PDE4D: variants seen among roughly 807,000 people sequenced by gnomAD.
PDE4D encodes 3',5'-cyclic-AMP phosphodiesterase 4D.
A neutral mutation model predicts 87.4 loss-of-function variants in PDE4D; 24 were observed. The ratio of observed to expected loss-of-function variants is 0.27; its 90% CI spans 0.20 to 0.39. PDE4D has a LOEUF of 0.39. Among genes scored for constraint, PDE4D ranks in the 10% least tolerant of loss-of-function variants. PDE4D has a pLI of 1.00. For missense variants in PDE4D, 714 were observed against 1,041.0 expected, an observed-to-expected ratio of 0.69 and a Z score of 4.32; for synonymous variants, 384 against 383.2, an observed-to-expected ratio of 1.00 and a Z score of -0.02.
chr5:59,070,984 G>A (rs1361356406), intron 5 of PDE4D, among the ~76,000 whole-genome samples: 1 of 152,164 alleles, frequency 6.6e-6, no homozygotes, highest in Non-Finnish European at 1.5e-5. Context: ...ACGTTTTCCA[G>A]TAGCTTCCTG....
chr5:59,864,905 T>G (rs1746796544), intron 1 of PDE4D, among the ~76,000 whole-genome samples: 1 of 152,078 alleles, frequency 6.6e-6, no homozygotes, highest in South Asian at 2.1e-4. Context: ...CAGAGCACGG[T>G]AGGATGCTGA....
intron 5 of PDE4D, among the ~76,000 whole-genome samples, chr5:59,109,568 A>G (rs1378557619): frequency 6.6e-6 from 1 of 152,126 alleles, no homozygotes; most frequent in Non-Finnish European, 1.5e-5. Flanking sequence ...AGTGGGGTGG[A>G]AGCTGGGCTG....
chr5:59,834,447 A>C (rs934949402), intron 1 of PDE4D, among the ~76,000 whole-genome samples: 6 of 152,076 alleles, frequency 3.9e-5, no homozygotes, highest in Non-Finnish European at 7.4e-5. Flanking sequence ...AAAGATTTAA[A>C]ATGAGATAAT....
At chr5:59,047,899 C>A (rs1171554908) in intron 5 of PDE4D, among the ~76,000 whole-genome samples, 1 of 152,190 alleles carries the variant, frequency 6.6e-6, no homozygotes, top group Non-Finnish European at 1.5e-5. Context: ...CAGTCTGCAA[C>A]CCTGAAGATG....
At chr5:59,470,928 T>C (rs1254843207) in intron 1 of PDE4D, among the ~76,000 whole-genome samples, 3 of 152,096 alleles carry the variant, frequency 2.0e-5, no homozygotes. Flanking sequence ...AAGTTAATAT[T>C]TACACTCATC....
At position 59,562,129 on chromosome 5, in the gene PDE4D, TTTTTG is replaced by T. The variant is rs145689177; in HGVS notation, c.455+331034_455+331038del. Among the ~76,000 whole-genome samples the T allele has an allele frequency of 9.9e-3, 1,499 of 152,148 alleles. 17 individuals are homozygous for T. The highest frequency in any genetic ancestry group is 0.031 in the African/African-American group (1,287 of 41,502). On this transcript the variant is annotated intron_variant, in intron 1 of 14. Transcript: ENST00000340635. Reference sequence around the variant, plus strand: ...AGAATACAGAGAAAGCCCAAAGTGTTTTTTGTTTTGTTTTGTTTTGTTTTGTTTTT... The same window carrying T: ...AGAATACAGAGAAAGCCCAAAGTGTTTTTTGTTTTGTTTTGTTTTGTTTTT...
chr5:60,300,532 G>A (rs1753801708), intron 1 of PDE4D, among the ~76,000 whole-genome samples: 1 of 151,944 alleles, frequency 6.6e-6, no homozygotes. Context: ...TATGGTTTTG[G>A]GTTTTACATT....
chr5:59,155,039 A>G (rs1272337020), intron 5 of PDE4D, among the ~76,000 whole-genome samples: 2 of 152,232 alleles, frequency 1.3e-5, no homozygotes, highest in African/African-American at 4.8e-5. Flanking sequence ...TTGGATTTGA[A>G]GAGTTGGATA....
intron 1 of PDE4D, among the ~76,000 whole-genome samples, chr5:60,196,144 C>G (rs1359238664): frequency 1.3e-5 from 2 of 151,750 alleles, no homozygotes; most frequent in African/African-American, 4.8e-5. Flanking sequence ...TTTGGCTCCC[C>G]AAATAGCCTA....
intron 2 of PDE4D, among the ~76,000 whole-genome samples, chr5:60,106,287 C>G (rs1776906103): frequency 6.6e-6 from 1 of 151,862 alleles, no homozygotes; most frequent in African/African-American, 2.4e-5. Context: ...GTAAAGGGAT[C>G]AATTCAACAA....
At chr5:59,824,838 T>C (rs1335607214) in intron 1 of PDE4D, among the ~76,000 whole-genome samples, 1 of 152,132 alleles carries the variant, frequency 6.6e-6, no homozygotes, top group East Asian at 1.9e-4. Flanking sequence ...GCAGATCTCC[T>C]CCAGGCACAC....
chr5:60,335,980 A>C (rs1757719503), intron 1 of PDE4D, among the ~76,000 whole-genome samples: 1 of 152,240 alleles, frequency 6.6e-6, no homozygotes, highest in South Asian at 2.1e-4. Flanking sequence ...GCAGCTTAGC[A>C]GCATGGTCAC....
intron 1 of PDE4D, among the ~76,000 whole-genome samples, chr5:59,434,730 C>T (rs1447316079): frequency 6.6e-6 from 1 of 152,092 alleles, no homozygotes; most frequent in African/African-American, 2.4e-5. Context: ...CTCCCTCTCC[C>T]CACATTTCTT....
intron 5 of PDE4D, among the ~76,000 whole-genome samples, chr5:59,080,297 G>A (rs1266876231): frequency 6.6e-6 from 1 of 152,164 alleles, no homozygotes; most frequent in Non-Finnish European, 1.5e-5. Context: ...GCACTCTGTA[G>A]CCCTCAGTTT....
intron 1 of PDE4D, among the ~76,000 whole-genome samples, chr5:59,555,721 G>A (rs1472156077): frequency 4.6e-5 from 7 of 151,978 alleles, no homozygotes; most frequent in East Asian, 1.9e-4. Context: ...ACCCTTTAGG[G>A]ACTCAAGCAA....
intron 2 of PDE4D, among the ~76,000 whole-genome samples, chr5:59,207,085 G>A (rs76630063): frequency 0.031 from 4,667 of 152,208 alleles, 98 homozygotes; most frequent in Middle Eastern, 0.075. Context: ...TAGGGAGACT[G>A]AGGTGGGAGA....
intron 1 of PDE4D, among the ~76,000 whole-genome samples, chr5:60,287,957 G>A (rs745418132): frequency 2.6e-5 from 4 of 152,120 alleles, no homozygotes; most frequent in Non-Finnish European, 5.9e-5. Context: ...CCATTTGTTG[G>A]TTCAACAAGA....
chr5:60,180,322 C>G (rs1691040222), intron 2 of PDE4D, among the ~76,000 whole-genome samples: 1 of 152,070 alleles, frequency 6.6e-6, no homozygotes, highest in Non-Finnish European at 1.5e-5. Context: ...TTTTTATCTA[C>G]TCTGAAATAA....
At chr5:60,116,554 T>C (rs191544464) in intron 2 of PDE4D, among the ~76,000 whole-genome samples, 1 of 152,172 alleles carries the variant, frequency 6.6e-6, no homozygotes, top group Admixed American at 6.5e-5. Flanking sequence ...TCTGTCAGCT[T>C]TATAAATACC....
Sources: allele counts gnomAD v4.1 joint callset (sites outside exome capture counted in the v4.1 genomes callset), GRCh38; gene constraint gnomAD v4.1.1; transcripts MANE v1.5; gene names NCBI Gene and HGNC (gene_info 2026-07-23, HGNC 2026-07-21).